TLCD3B: variants seen among roughly 807,000 people sequenced by gnomAD.
TLCD3B encodes TLC domain containing 3B, also known as ceramide synthase.
A neutral mutation model predicts 23.0 loss-of-function variants in TLCD3B; 9 were observed. The observed-to-expected ratio is 0.39, with a 90% CI of 0.24 to 0.68. The LOEUF is 0.68. Ranked by LOEUF, TLCD3B falls within the 30% of genes least tolerant of loss-of-function variation. The pLI is 0.44. For missense variants in TLCD3B, 307 were observed against 371.8 expected (o/e 0.83, Z 1.43); for synonymous variants, 161 against 161.0 (o/e 1.00, Z 0.00).
chr16:30,049,923 C>CAAA (rs35810240), intron 1 of TLCD3B, among the ~76,000 whole-genome samples: 120 of 131,008 alleles, frequency 9.2e-4, no homozygotes, highest in Middle Eastern at 4.0e-3. Context: ...GACTCCATCT[C>CAAA]AAAAAAAAAA....
At position 30,029,502 on chromosome 16, in the gene TLCD3B, C is replaced by T; in HGVS notation, c.139G>A (p.Val47Ile). The change falls in exon 2 of 5, where the codon GTC (valine) becomes ATC (isoleucine). Residue 47 changes from valine (V) to isoleucine (I), a missense_variant. Transcript: ENST00000380495. This position sits in a 1 kb window ranked among gnomAD's most constrained non-coding sequence, Gnocchi z 4.6. ...VIVSARLVSS[V>I]QAIMASTAGY... Reference sequence around the variant, plus strand: ...GCAGTGGAGGCCATGATGGCCTGGACAGAGGACACCAGCCTGGGGGAGAGA... The same window carrying T: ...GCAGTGGAGGCCATGATGGCCTGGATAGAGGACACCAGCCTGGGGGAGAGA... 1 of 1,613,864 alleles carries T rather than the reference C, an allele frequency of 6.2e-7. No homozygotes were observed. Among genetic ancestry groups the T allele is most frequent in the Non-Finnish European group, 8.5e-7 (1 of 1,179,882 alleles).
intron 3 of TLCD3B, 84 bp downstream of exon 3, chr16:30,026,525 G>A (rs931958897): frequency 2.7e-5 from 34 of 1,241,618 alleles, no homozygotes; most frequent in African/African-American, 7.4e-5. Flanking sequence ...ACGCAGACCC[G>A]GGGCTTCCCA....
intron 2 of TLCD3B, chr16:30,046,312 C>A (rs1271748042): frequency 6.6e-6 from 1 of 152,292 alleles, no homozygotes; most frequent in Non-Finnish European, 1.5e-5. Context: ...TACCCTTGGC[C>A]TTGAGTTTAC....
rs781683761 is a variant in TLCD3B, at chr16:30,029,870, C to T, written c.126-355G>A. Among the ~76,000 whole-genome samples the T allele has an allele frequency of 2.6e-5, 4 of 152,184 alleles. No homozygotes were observed. Among genetic ancestry groups the T allele is most frequent in the East Asian group, 1.9e-4 (1 of 5,188 alleles). ...CTCTCCCCACGAGGGGAGCCTGGGC[C>T]GGTTCTTGCCCCGCTTAGCTGTCCA... On this transcript the variant is annotated intron_variant, in intron 1 of 4. Transcript: ENST00000380495. The surrounding 1 kb of genome is among the most constrained non-coding windows in gnomAD (Gnocchi z 4.6).
intron 3 of TLCD3B, among the ~76,000 whole-genome samples, chr16:30,040,147 A>AAAAAAAATATATAT: frequency 2.1e-5 from 2 of 95,898 alleles, no homozygotes; most frequent in African/African-American, 4.3e-5. Flanking sequence ...AAAAAAAAAA[A>AAAAAAAATATATAT]ATATATATAT....
chr16:30,026,389 C>T (rs564125210), intron 3 of TLCD3B, among the ~76,000 whole-genome samples: 21 of 152,296 alleles, frequency 1.4e-4, no homozygotes, highest in Non-Finnish European at 2.6e-4. Flanking sequence ...CAAAGAGCCA[C>T]AGCCGGGCAT....
chr16:30,037,010 G>A (rs2071486635), intron 3 of TLCD3B, among the ~76,000 whole-genome samples: 2 of 151,780 alleles, frequency 1.3e-5, no homozygotes, highest in African/African-American at 2.4e-5. Flanking sequence ...GCTTGAACCC[G>A]GGAGGCAGAG....
intron 2 of TLCD3B, chr16:30,041,262 AT>A (rs2071575903): frequency 6.6e-6 from 1 of 151,666 alleles, no homozygotes; most frequent in Admixed American, 6.6e-5. Context: ...TTCTTTATGT[AT>A]TTATTTTTTG....
At chr16:30,034,391 A>G (rs556048966), upstream of TLCD3B, among the ~76,000 whole-genome samples, 27 of 133,224 alleles carry the variant, frequency 2.0e-4, no homozygotes, top group African/African-American at 7.7e-4. Flanking sequence ...TGGGCAACAT[A>G]GTGAGACCCT....
chr16:30,030,341 C>G, intron 1 of TLCD3B, 62 bp downstream of exon 1: 1 of 1,458,144 alleles, frequency 6.9e-7, no homozygotes, highest in East Asian at 2.3e-5. Context: ...GTGCCAGGTC[C>G]CTTCCATTCC....
At chr16:30,045,895 G>T (rs949542662) in intron 2 of TLCD3B, among the ~76,000 whole-genome samples, 1 of 152,100 alleles carries the variant, frequency 6.6e-6, no homozygotes, top group Non-Finnish European at 1.5e-5. Context: ...TGGGTGTGCA[G>T]CCAGAAAGCA....
Position 30,029,427 on chromosome 16 carries a change from C to CT in TLCD3B, c.209+4dup. ...CTGGGCAGGGGGGTGTCTCGCAGCA[C>CT]TTACTGGTCATCAATGATGTGCTTG... On this transcript the variant is annotated splice_donor_region_variant and intron_variant, in intron 2 of 4. Coordinates refer to ENST00000380495, the MANE Select transcript of TLCD3B (RefSeq NM_031478.6). The surrounding 1 kb of genome is among the most constrained non-coding windows in gnomAD (Gnocchi z 4.6). The CT allele has an allele frequency of 6.2e-7, 1 of 1,613,674 alleles. No individual in the cohort carries two copies. Among genetic ancestry groups the CT allele is most frequent in the Non-Finnish European group, 8.5e-7 (1 of 1,179,764 alleles).
intron 3 of TLCD3B, 69 bp downstream of exon 3, chr16:30,026,539 TC>T: frequency 7.2e-7 from 1 of 1,397,376 alleles, no homozygotes; most frequent in Non-Finnish European, 9.9e-7. Context: ...CTTCCCAGGC[TC>T]CTGCCAGCAC....
chr16:30,030,353 TG>T lies in TLCD3B; in HGVS notation c.125+49del, dbSNP rs746091887. ...GAAGTGCCAGGTCCCTTCCATTCCC[TG>T]AGAAGCCCAAGAAGCAGACAGGGGC... On this transcript the variant is annotated intron_variant, in intron 1 of 4. Coordinates refer to ENST00000380495, the MANE Select transcript of TLCD3B (RefSeq NM_031478.6). 3.3e-6 allele frequency: 5 copies of T among 1,496,374 alleles called. No individual in the cohort carries two copies. In the African/African-American group the frequency reaches 5.6e-5, roughly 17 times the overall value. 92.7% of individuals were successfully genotyped at this position (1,496,374 alleles called of 1,614,324 possible).
upstream of TLCD3B, chr16:30,035,538 C>G: frequency 7.8e-7 from 1 of 1,277,738 alleles, no homozygotes; most frequent in South Asian, 1.3e-5. Flanking sequence ...ACAACACCCT[C>G]AGACCCCCCA....
chr16:30,026,573 AC>A (rs1374385186), intron 3 of TLCD3B, 35 bp downstream of exon 3: 4 of 1,576,302 alleles, frequency 2.5e-6, no homozygotes, highest in Non-Finnish European at 3.5e-6. Flanking sequence ...GGAGCAGGCC[AC>A]CCGCACCCCG....
rs1555472623 is a variant in TLCD3B, at chr16:30,026,711, G to A, written c.342C>T (p.Ala114=). The A allele has an allele frequency of 4.3e-6, 7 of 1,614,022 alleles. No individual in the cohort carries two copies. Among genetic ancestry groups the A allele is most frequent in the Middle Eastern group, 1.6e-4 (1 of 6,062 alleles). Residue 114 remains alanine (A), a synonymous_variant, in exon 3 of 5, where the codon GCC becomes GCT. Transcript: ENST00000380495. ...GCGCTATGGCCCACGTGCTGCCCGG[G>A]GCTCTGGCCGCTCCGTCGTCCCCTC... The part of the protein sequence containing the change: ...GHGGDDGAAR[A]PGSTWAIARG...
chr16:30,031,789 T>G (rs12446378), upstream of TLCD3B, among the ~76,000 whole-genome samples: 69,360 of 152,028 alleles, frequency 0.46, 15,995 homozygotes, highest in African/African-American at 0.48. Flanking sequence ...AGCTCCGAGG[T>G]CACTGCGTCT....
Position 30,025,035 on chromosome 16 carries a change from G to A in TLCD3B, c.*148C>T, listed in dbSNP as rs1202362818. On this transcript the variant is annotated 3_prime_UTR_variant, in exon 5 of 5. Transcript: ENST00000380495. The surrounding 1 kb of genome is among the most constrained non-coding windows in gnomAD (Gnocchi z 4.1). ...CTCTCTCCACCCCCTCAGTCCCCGAGAGATGGGGCCTCTTCCCTTTCGGGG... is the reference window on the plus strand; with the variant it reads ...CTCTCTCCACCCCCTCAGTCCCCGAAAGATGGGGCCTCTTCCCTTTCGGGG... 1.0e-5 allele frequency: 6 copies of A among 577,190 alleles called. No individual in the cohort carries two copies. Among genetic ancestry groups the A allele is most frequent in the South Asian group, 2.5e-5 (1 of 39,666 alleles). The allele number at this position is 577,190 out of a possible 1,614,324, so 35.8% of individuals were successfully genotyped here.
Sources: allele counts gnomAD v4.1 joint callset (sites outside exome capture counted in the v4.1 genomes callset), GRCh38; gene constraint gnomAD v4.1.1; non-coding constraint Gnocchi (gnomAD v3.1); transcripts MANE v1.5; gene names NCBI Gene and HGNC (gene_info 2026-07-23, HGNC 2026-07-21).